BSG: variants seen among roughly 807,000 people sequenced by gnomAD.
The protein encoded by BSG is basigin (Ok blood group).
A neutral mutation model predicts 43.1 loss-of-function variants in BSG; 37 were observed. The observed-to-expected ratio is 0.86, with a 90% CI of 0.66 to 1.13. The LOEUF is 1.13. Ranked by LOEUF, BSG falls within the 50% of genes most tolerant of loss-of-function variation. The pLI, the probability that BSG is intolerant of heterozygous loss-of-function variation, is 0.00. For missense variants in BSG, 599 were observed against 554.2 expected (o/e 1.08, Z -0.81); for synonymous variants, 309 against 238.7 (o/e 1.29, Z -2.72).
chr19:578,232 T>C (rs1981958488), intron 2 of BSG, 111 bp downstream of exon 2: 1 of 1,151,610 alleles, frequency 8.7e-7, no homozygotes, highest in African/African-American at 1.6e-5. Context: ...TCCGTCCCGC[T>C]GTGCCCCGTT....
chr19:579,612 G>T lies in BSG; in HGVS notation c.528G>T (p.Val176=), dbSNP rs777292458. ...GGCACCGCTGGCTGAAGGGGGGCGT[G>T]GTGCTGAAGGAGGACGCGCTGCCCG... is the stretch of plus-strand genomic sequence containing the variant. ...VTGHRWLKGG[V]VLKEDALPGQ... Residue 176 remains valine (V), a synonymous_variant, in exon 3 of 9, where the codon GTG becomes GTT. Coordinates refer to ENST00000333511, the MANE Select transcript of BSG (RefSeq NM_001728.4). 1 of 1,612,316 alleles carries T rather than the reference G, an allele frequency of 6.2e-7. No homozygotes were observed. Among genetic ancestry groups the T allele is most frequent in the African/African-American group, 1.3e-5 (1 of 74,932 alleles).
chr19:574,320 G>A (rs1306673166), intron 1 of BSG, among the ~76,000 whole-genome samples: 3 of 151,616 alleles, frequency 2.0e-5, no homozygotes, highest in Non-Finnish European at 4.4e-5. Flanking sequence ...TTGGGAGGCC[G>A]AGGCGGGCGG....
chr19:577,903 C>A lies in BSG; in HGVS notation c.197C>A (p.Thr66Asn). 1 of 1,597,936 alleles carries A rather than the reference C, an allele frequency of 6.3e-7. No homozygotes were observed. Among genetic ancestry groups the A allele is most frequent in the Non-Finnish European group, 8.6e-7 (1 of 1,169,520 alleles). ...TTTGAAGGGCAGGGTCCCAACGACA[C>A]CTGCTCCCAGCTCTGGGACGGCGCC... ...WWFEGQGPND[T>N]CSQLWDGARL... Residue 66 changes from threonine to asparagine, a missense_variant, in exon 2 of 9, where the codon ACC becomes AAC. Transcript: ENST00000333511.
intron 1 of BSG, among the ~76,000 whole-genome samples, chr19:577,021 G>C (rs1981837588): frequency 6.6e-6 from 1 of 152,164 alleles, no homozygotes; most frequent in South Asian, 2.1e-4. Flanking sequence ...AGGTGCTGTG[G>C]GGAGGGCTGC....
At position 580,365 on chromosome 19, in the gene BSG, T is replaced by A. The variant is rs1405598066; in HGVS notation, c.573-14T>A. ...AGAGCTGGTACGCGGCTCACCTGCCTGCTGTGGTTGCAGGGTGGACTCCGA... is the reference window on the plus strand; with the variant it reads ...AGAGCTGGTACGCGGCTCACCTGCCAGCTGTGGTTGCAGGGTGGACTCCGA... On this transcript the variant is annotated splice_polypyrimidine_tract_variant and intron_variant, in intron 3 of 8. Coordinates refer to ENST00000333511, the MANE Select transcript of BSG (RefSeq NM_001728.4). The A allele has an allele frequency of 2.5e-6, 4 of 1,609,650 alleles. No individual in the cohort carries two copies. Among genetic ancestry groups the A allele is most frequent in the African/African-American group, 1.3e-5 (1 of 75,034 alleles).
At position 578,075 on chromosome 19, in the gene BSG, C is replaced by G; in HGVS notation, c.369C>G (p.Pro123=). Residue 123 remains proline (P), a synonymous_variant, in exon 2 of 9, where the codon CCC becomes CCG. Transcript: ENST00000333511. The part of the protein sequence containing the change: ...DPDRNHLTRA[P]RVKWVRAQAV... ...ATCGCAACCACCTGACCCGGGCGCC[C>G]AGGGTCAAGTGGGTCCGCGCCCAGG... 3.1e-6 allele frequency: 5 copies of G among 1,606,768 alleles called. No homozygotes were observed. Among genetic ancestry groups the G allele is most frequent in the Non-Finnish European group, 4.3e-6 (5 of 1,176,446 alleles).
At chr19:574,371 G>C (rs1981573757) in intron 1 of BSG, among the ~76,000 whole-genome samples, 1 of 152,128 alleles carries the variant, frequency 6.6e-6, no homozygotes, top group African/African-American at 2.4e-5. Context: ...GGCTAACACG[G>C]TGAAACCCCG....
upstream of BSG, chr19:572,314 A>G (rs916103687): frequency 1.1e-6 from 1 of 915,226 alleles, no homozygotes; most frequent in Non-Finnish European, 1.3e-6. Flanking sequence ...CTCTGCGCTC[A>G]TTGCAACTTT....
chr19:578,360 C>T (rs1981972166), intron 2 of BSG: 5 of 442,036 alleles, frequency 1.1e-5, no homozygotes, highest in Admixed American at 8.3e-5. Flanking sequence ...GCAGGTGGGT[C>T]CTCGTCCTCC....
Position 581,574 on chromosome 19 carries a change from C to A in BSG, c.1052C>A (p.Pro351His). 1 of 1,595,014 alleles carries A rather than the reference C, an allele frequency of 6.3e-7. No individual in the cohort carries two copies. The highest frequency in any genetic ancestry group is 8.5e-7 in the Non-Finnish European group (1 of 1,172,982). ...TTCATCTACGAGAAGCGCCGGAAGC[C>A]CGAGGACGTCCTGGATGGTGAGCCG... The part of the protein sequence containing the change: ...IIFIYEKRRK[P>H]EDVLDDDDAG... Residue 351 changes from proline to histidine, a missense_variant, in exon 6 of 9, where the codon CCC becomes CAC. By Grantham distance (77) the Pro-to-His change is moderately conservative. Transcript: ENST00000333511.
At chr19:572,310 G>A (rs1196340770), upstream of BSG, 12 of 885,032 alleles carry the variant, frequency 1.4e-5, no homozygotes, top group African/African-American at 1.8e-5. Context: ...ACCGCTCTGC[G>A]CTCATTGCAA....
intron 1 of BSG, among the ~76,000 whole-genome samples, chr19:576,210 T>TG (rs1030142373): frequency 9.9e-5 from 15 of 152,076 alleles, no homozygotes; most frequent in Admixed American, 9.8e-4. Flanking sequence ...TGCCTGGAGG[T>TG]GGGGTGAGGT....
chr19:579,114 C>T (rs1982043340), intron 2 of BSG: 4 of 465,746 alleles, frequency 8.6e-6, no homozygotes, highest in Non-Finnish European at 1.7e-5. Flanking sequence ...GCCCTGGTCC[C>T]TGCTCAGGGA....
intron 1 of BSG, among the ~76,000 whole-genome samples, chr19:573,667 C>T (rs1021059222): frequency 2.6e-5 from 4 of 152,118 alleles, no homozygotes; most frequent in Non-Finnish European, 5.9e-5. Flanking sequence ...CCTTTACAGG[C>T]GAGGAAACAG....
chr19:575,693 G>A (rs1350636216), intron 1 of BSG, among the ~76,000 whole-genome samples: 1 of 147,958 alleles, frequency 6.8e-6, no homozygotes, highest in Admixed American at 6.6e-5. Context: ...CTGGCCCTGA[G>A]CCCTGGGCAA....
At chr19:574,091 C>G (rs932511312) in intron 1 of BSG, among the ~76,000 whole-genome samples, 16 of 151,216 alleles carry the variant, frequency 1.1e-4, no homozygotes, top group African/African-American at 3.7e-4. Flanking sequence ...CCCATCTCTA[C>G]TAAAAATACA....
chr19:579,052 G>A (rs989665216), intron 2 of BSG: 21 of 457,342 alleles, frequency 4.6e-5, no homozygotes, highest in Non-Finnish European at 7.9e-5. Flanking sequence ...AGCTGGCTAC[G>A]TTTTTAGAAA....
chr19:573,813 G>A (rs1981510147), intron 1 of BSG, among the ~76,000 whole-genome samples: 1 of 152,246 alleles, frequency 6.6e-6, no homozygotes, highest in Admixed American at 6.5e-5. Flanking sequence ...TAGGAGGGCC[G>A]TGTGTTGAGG....
chr19:572,826 G>A lies in BSG; in HGVS notation c.67+125G>A, dbSNP rs1057167316. 1.2e-5 allele frequency: 13 copies of A among 1,120,432 alleles called. No individual in the cohort carries two copies. The African/African-American group carries it at 1.5e-4, about 13-fold the overall frequency. The allele number at this position is 1,120,432 out of a possible 1,614,324, so 69.4% of individuals were successfully genotyped here. ...GGGGCGGCCTGGGGTGCGAAAGGCC[G>A]GCCCCGGGGGCTTCCCGCGCCAGCA... is the stretch of plus-strand genomic sequence containing the variant. On this transcript the variant is annotated intron_variant, in intron 1 of 8. Transcript: ENST00000333511.
Sources: allele counts gnomAD v4.1 joint callset (sites outside exome capture counted in the v4.1 genomes callset), GRCh38; gene constraint gnomAD v4.1.1; transcripts MANE v1.5; gene names NCBI Gene and HGNC (gene_info 2026-07-23, HGNC 2026-07-21).